SUPT3H: variants seen among roughly 807,000 people sequenced by gnomAD.
The protein encoded by SUPT3H is transcription initiation protein SPT3 homolog.
SUPT3H carries 44 observed loss-of-function variants against 44.3 expected under a neutral mutation model. The observed-to-expected ratio is 0.99, with a 90% CI of 0.78 to 1.28. The LOEUF (loss-of-function observed/expected upper bound fraction) is 1.28. SUPT3H is among the 50% of genes most tolerant of loss of function. The pLI, the probability that SUPT3H is intolerant of heterozygous loss-of-function variation, is 0.00. For missense variants in SUPT3H, 380 were observed against 387.1 expected (o/e 0.98, Z 0.15); for synonymous variants, 124 against 125.6 (o/e 0.99, Z 0.09).
intron 7 of SUPT3H, among the ~76,000 whole-genome samples, chr6:44,958,968 C>A (rs1212531518): frequency 6.6e-6 from 1 of 151,174 alleles, no homozygotes; most frequent in African/African-American, 2.4e-5. Flanking sequence ...CTCCACCTCC[C>A]GGGTTCTAGT....
Position 44,932,655 on chromosome 6 carries a change from T to C in SUPT3H, c.910A>G (p.Thr304Ala). The C allele has an allele frequency of 6.2e-7, 1 of 1,603,654 alleles. No individual in the cohort carries two copies. The highest frequency in any genetic ancestry group is 8.5e-7 in the Non-Finnish European group (1 of 1,174,168). ...TTTATAACTCTGTTATTACGTACTG[T>C]GAATGGGGAAAGTGGGCCAATCCTG... ...SHRIGPLSPF[T>A]NAYRRNGMAF... is the part of the protein sequence containing the mutation. The change falls in exon 10 of 11, where the codon ACA (threonine) becomes GCA (alanine). Residue 304 changes from threonine to alanine, a missense_variant and splice_region_variant. Thr to Ala is a moderately conservative substitution (Grantham distance 58). Transcript: ENST00000371459.
downstream of SUPT3H, among the ~76,000 whole-genome samples, chr6:44,826,651 A>G (rs1163983320): frequency 1.3e-5 from 2 of 152,260 alleles, no homozygotes; most frequent in East Asian, 3.8e-4. Flanking sequence ...ACTGGAAAGC[A>G]TTGCCTGATT....
chr6:45,159,848 A>G (rs1359858353), intron 2 of SUPT3H, among the ~76,000 whole-genome samples: 1 of 152,180 alleles, frequency 6.6e-6, no homozygotes, highest in Non-Finnish European at 1.5e-5. Flanking sequence ...ATTTTTCAAA[A>G]ACAATTATTG....
intron 10 of SUPT3H, among the ~76,000 whole-genome samples, chr6:44,924,826 TTTA>T (rs1212839870): frequency 1.3e-5 from 2 of 152,086 alleles, no homozygotes; most frequent in Non-Finnish European, 2.9e-5. Context: ...TCTCAAAAAA[TTTA>T]TTATGAAAAT....
chr6:45,300,105 C>T (rs1584791274), intron 2 of SUPT3H, among the ~76,000 whole-genome samples: 1 of 152,270 alleles, frequency 6.6e-6, no homozygotes, highest in African/African-American at 2.4e-5. Context: ...TAACATCTCT[C>T]AAATGTAAAA....
intron 6 of SUPT3H, among the ~76,000 whole-genome samples, chr6:44,997,090 G>A (rs189608023): frequency 6.6e-6 from 1 of 151,778 alleles, no homozygotes; most frequent in Admixed American, 6.6e-5. Context: ...AGTAATTGTG[G>A]TTTTGCCATT....
Position 45,245,437 on chromosome 6 carries a change from A to G in SUPT3H, c.101+119764T>C, listed in dbSNP as rs564553439. ...AGCTGAAACTCCACACCTATTAATC[A>G]AAAGCTCCAAATTCCCCCTCCTCTA... On this transcript the variant is annotated intron_variant, in intron 2 of 10. Coordinates refer to ENST00000371459, the MANE Select transcript of SUPT3H (RefSeq NM_003599.4). Among the ~76,000 whole-genome samples the G allele has an allele frequency of 3.9e-4, 59 of 152,210 alleles. 1 individual carries two copies. Among genetic ancestry groups the G allele is most frequent in the African/African-American group, 1.2e-3 (49 of 41,556 alleles).
intron 3 of SUPT3H, among the ~76,000 whole-genome samples, chr6:45,074,940 T>C (rs1481904452): frequency 6.6e-6 from 1 of 152,114 alleles, no homozygotes; most frequent in African/African-American, 2.4e-5. Context: ...GTTTCTGCTA[T>C]GTGCTTCGTG....
chr6:45,339,310 C>T (rs1392503215), intron 2 of SUPT3H, among the ~76,000 whole-genome samples: 1 of 151,998 alleles, frequency 6.6e-6, no homozygotes, highest in Non-Finnish European at 1.5e-5. Flanking sequence ...GGAGAGAAAG[C>T]CTTCAGAACT....
chr6:45,341,837 T>G (rs1167846580), intron 2 of SUPT3H, among the ~76,000 whole-genome samples: 1 of 152,176 alleles, frequency 6.6e-6, no homozygotes, highest in Non-Finnish European at 1.5e-5. Flanking sequence ...ATTCATCGCT[T>G]TTAGTTTAAA....
intron 2 of SUPT3H, among the ~76,000 whole-genome samples, chr6:45,301,688 T>C (rs886726095): frequency 6.6e-6 from 1 of 152,226 alleles, no homozygotes; most frequent in African/African-American, 2.4e-5. Context: ...CTTAACATTG[T>C]CAAATACTTG....
intron 3 of SUPT3H, among the ~76,000 whole-genome samples, chr6:45,056,521 C>T (rs1583287821): frequency 6.6e-6 from 1 of 152,264 alleles, no homozygotes; most frequent in East Asian, 1.9e-4. Context: ...AATAATGCAG[C>T]ATTTGCATTT....
chr6:45,284,874 C>T (rs547761099), intron 2 of SUPT3H, among the ~76,000 whole-genome samples: 1 of 152,298 alleles, frequency 6.6e-6, no homozygotes, highest in Admixed American at 6.5e-5. Context: ...TTCAGCAGTG[C>T]ATCAAAAAGC....
chr6:45,284,550 G>T (rs1313138891), intron 2 of SUPT3H, among the ~76,000 whole-genome samples: 3 of 152,150 alleles, frequency 2.0e-5, no homozygotes, highest in Non-Finnish European at 4.4e-5. Flanking sequence ...CGAGGAAGAA[G>T]TTGAATCTCT....
At chr6:45,208,752 C>A (rs1274126438) in intron 2 of SUPT3H, among the ~76,000 whole-genome samples, 3 of 150,880 alleles carry the variant, frequency 2.0e-5, no homozygotes, top group Non-Finnish European at 3.0e-5. Flanking sequence ...CAAAAAAATT[C>A]TCAGTGGAAA....
intron 9 of SUPT3H, among the ~76,000 whole-genome samples, chr6:44,952,778 G>A (rs1008857887): frequency 1.3e-5 from 2 of 152,106 alleles, no homozygotes; most frequent in African/African-American, 2.4e-5. Flanking sequence ...AAAACTTTAC[G>A]GTTCCCATAG....
intron 2 of SUPT3H, among the ~76,000 whole-genome samples, chr6:45,357,994 A>G (rs1222281617): frequency 1.3e-5 from 2 of 152,170 alleles, no homozygotes; most frequent in African/African-American, 2.4e-5. Flanking sequence ...TAAATGTAAT[A>G]TTAAACTTCT....
rs1797661405 is a variant in SUPT3H, at chr6:45,095,423, G to A, written c.186+10499C>T. Among the ~76,000 whole-genome samples, 1 of 151,708 alleles carries A rather than the reference G, an allele frequency of 6.6e-6. No homozygotes were observed. The highest frequency in any genetic ancestry group is 2.1e-4 in the South Asian group (1 of 4,788). On this transcript the variant is annotated intron_variant, in intron 3 of 10. Transcript: ENST00000371459. This position sits in a 1 kb window ranked among gnomAD's most constrained non-coding sequence, Gnocchi z 4.1. Reference sequence around the variant, plus strand: ...CTGCTTCTACCAGGGAAATTAAAAAGCATTACAGGAGGGAGGGGTGAATTC... The same window carrying A: ...CTGCTTCTACCAGGGAAATTAAAAAACATTACAGGAGGGAGGGGTGAATTC...
intron 2 of SUPT3H, among the ~76,000 whole-genome samples, chr6:45,200,009 C>T (rs1230480671): frequency 6.6e-6 from 1 of 151,412 alleles, no homozygotes; most frequent in Non-Finnish European, 1.5e-5. Flanking sequence ...TGCAAAGACT[C>T]ACTCAGTCAA....
Sources: allele counts gnomAD v4.1 joint callset (sites outside exome capture counted in the v4.1 genomes callset), GRCh38; gene constraint gnomAD v4.1.1; non-coding constraint Gnocchi (gnomAD v3.1); transcripts MANE v1.5; gene names NCBI Gene and HGNC (gene_info 2026-07-23, HGNC 2026-07-21).